Variants in CACNA2D1 observed in about 807,000 individuals in gnomAD.
The protein encoded by CACNA2D1 is voltage-dependent calcium channel subunit alpha-2/delta-1.
CACNA2D1 carries 53 observed loss-of-function variants against 171.5 expected under a neutral mutation model. That is an observed-to-expected ratio of 0.31 (90% CI 0.25 to 0.39). The LOEUF (loss-of-function observed/expected upper bound fraction) is 0.39, where lower values mean the gene tolerates loss of function less well. CACNA2D1 is among the 10% of genes least tolerant of loss of function. The probability of loss-of-function intolerance (pLI) is 1.00; values close to 1 mark genes in which losing one functional copy is unlikely to be tolerated. For synonymous variants in CACNA2D1, 442 were observed against 443.1 expected (o/e 1.00, Z 0.03); for missense variants, 903 against 1,299.8 (o/e 0.69, Z 4.69).
chr7:81,960,574 ATTTC>A (rs1036589020), intron 36 of CACNA2D1, among the ~76,000 whole-genome samples: 5 of 152,036 alleles, frequency 3.3e-5, no homozygotes, highest in African/African-American at 1.2e-4. Flanking sequence ...TAAAAAAGTA[ATTTC>A]TTTATCATTA....
chr7:82,188,261 T>C (rs1051089096), intron 3 of CACNA2D1, among the ~76,000 whole-genome samples: 21 of 151,930 alleles, frequency 1.4e-4, no homozygotes, highest in African/African-American at 4.3e-4. Flanking sequence ...CAAAGAGAAA[T>C]ATAAAATAGA....
intron 3 of CACNA2D1, among the ~76,000 whole-genome samples, chr7:82,204,552 G>A (rs1799817524): frequency 6.7e-6 from 1 of 149,018 alleles, no homozygotes; most frequent in African/African-American, 2.6e-5. Context: ...ACCTGGAGTT[G>A]TTGTTCCCTG....
chr7:81,951,969 G>GTTTTTTTTTTTTTGTTGTT (rs1792584335), intron 38 of CACNA2D1, among the ~76,000 whole-genome samples: 1 of 71,904 alleles, frequency 1.4e-5, no homozygotes, highest in African/African-American at 6.1e-5. Context: ...TGTACAAAGT[G>GTTTTTTTTTTTTTGTTGTT]TTTTTTTTTT....
At chr7:82,267,169 A>G (rs1053427360) in intron 3 of CACNA2D1, among the ~76,000 whole-genome samples, 1 of 152,254 alleles carries the variant, frequency 6.6e-6, no homozygotes, top group Non-Finnish European at 1.5e-5. Flanking sequence ...ATGACTCTTT[A>G]TAAAAATAGC....
At chr7:82,440,273 T>C (rs979084998) in intron 1 of CACNA2D1, among the ~76,000 whole-genome samples, 1 of 151,882 alleles carries the variant, frequency 6.6e-6, no homozygotes, top group Non-Finnish European at 1.5e-5. Context: ...TAACTATATA[T>C]TTTTTAATTG....
chr7:82,094,514 G>A (rs1270302599), intron 6 of CACNA2D1, among the ~76,000 whole-genome samples: 1 of 152,132 alleles, frequency 6.6e-6, no homozygotes, highest in Non-Finnish European at 1.5e-5. Flanking sequence ...AACATAGTGA[G>A]CATGACTTGT....
chr7:82,061,686 G>T (rs1806939135), intron 9 of CACNA2D1, among the ~76,000 whole-genome samples: 1 of 152,178 alleles, frequency 6.6e-6, no homozygotes, highest in South Asian at 2.1e-4. Context: ...ACAGGAGATG[G>T]TGTTATTACT....
At chr7:82,050,741 C>G (rs1377717507) in intron 10 of CACNA2D1, 1 of 666,644 alleles carries the variant, frequency 1.5e-6, no homozygotes, top group Non-Finnish European at 2.7e-6. Flanking sequence ...GAAGATGACA[C>G]TAAATAACAA....
chr7:81,977,179 C>T (rs1411133245), intron 24 of CACNA2D1, among the ~76,000 whole-genome samples: 4 of 152,134 alleles, frequency 2.6e-5, no homozygotes, highest in Admixed American at 2.0e-4. Context: ...ATGATATTGG[C>T]TGTGGGTTTG....
chr7:82,303,367 G>T (rs962621803), intron 3 of CACNA2D1, among the ~76,000 whole-genome samples: 1 of 150,312 alleles, frequency 6.7e-6, no homozygotes, highest in Non-Finnish European at 1.5e-5. Flanking sequence ...CTCAAAGCAA[G>T]TACAGATCCA....
Position 82,426,150 on chromosome 7 carries a change from A to C in CACNA2D1, c.95+17215T>G, listed in dbSNP as rs571332576. On this transcript the variant is annotated intron_variant, in intron 1 of 38. Transcript: ENST00000356860. Reference sequence around the variant, plus strand: ...TGCTTCAAAAATATATAAATAAATAAATAAATAAATAAATAAATAAATAAA... The same window carrying C: ...TGCTTCAAAAATATATAAATAAATACATAAATAAATAAATAAATAAATAAA... Among the ~76,000 whole-genome samples, 731 of 112,724 alleles carry C rather than the reference A, an allele frequency of 6.5e-3. 7 individuals are homozygous for C. Among genetic ancestry groups the C allele is most frequent in the African/African-American group, 0.028 (688 of 24,628 alleles). 74.0% of individuals were successfully genotyped at this position (112,724 alleles called of 152,430 possible). A position where few individuals can be genotyped will look rare whatever the true frequency, so the allele number is the denominator to read the frequency against.
intron 6 of CACNA2D1, among the ~76,000 whole-genome samples, chr7:82,087,382 T>A (rs1052641240): frequency 6.6e-6 from 1 of 152,144 alleles, no homozygotes; most frequent in African/African-American, 2.4e-5. Flanking sequence ...CACATCGTGT[T>A]CACTGAACAA....
At chr7:82,362,856 A>G (rs1303265224) in intron 1 of CACNA2D1, among the ~76,000 whole-genome samples, 1 of 152,206 alleles carries the variant, frequency 6.6e-6, no homozygotes, top group Non-Finnish European at 1.5e-5. Context: ...AGCCTCCTTT[A>G]TACATTACAC....
chr7:81,966,477 G>C (rs184519666), intron 31 of CACNA2D1, among the ~76,000 whole-genome samples: 2 of 151,528 alleles, frequency 1.3e-5, no homozygotes, highest in African/African-American at 2.4e-5. Context: ...ACAGGAGTAG[G>C]AGTGATAAAG....
intron 6 of CACNA2D1, among the ~76,000 whole-genome samples, chr7:82,092,544 T>G (rs258652): frequency 1.1e-4 from 5 of 45,718 alleles, no homozygotes; most frequent in African/African-American, 2.0e-4. Flanking sequence ...AGCTAACTTT[T>G]TTTTTTTTTT....
chr7:82,031,122 A>T (rs1355950893), intron 12 of CACNA2D1, among the ~76,000 whole-genome samples: 1 of 147,004 alleles, frequency 6.8e-6, no homozygotes, highest in Admixed American at 6.8e-5. Context: ...AATACTGTAG[A>T]TTTTTTTTTT....
intron 2 of CACNA2D1, among the ~76,000 whole-genome samples, chr7:82,338,098 A>C (rs1015317624): frequency 3.3e-5 from 5 of 152,182 alleles, no homozygotes; most frequent in Admixed American, 2.0e-4. Context: ...ATATGTTCTA[A>C]GTCACTTTGC....
chr7:82,247,281 G>A (rs776202163), intron 3 of CACNA2D1, among the ~76,000 whole-genome samples: 89 of 152,050 alleles, frequency 5.9e-4, no homozygotes, highest in Admixed American at 1.2e-3. Flanking sequence ...AGGCTGAGGC[G>A]GGCAGATCAC....
chr7:82,130,000 G>C lies in CACNA2D1; in HGVS notation c.396+6635C>G, dbSNP rs75275221. ...ACAAGTCTGGACTAAGGTTGGGATA[G>C]TAGGGAAAGGATCTCTCTAAAAATT... is the stretch of plus-strand genomic sequence containing the variant. On this transcript the variant is annotated intron_variant, in intron 5 of 38. Transcript: ENST00000356860. 4.8e-3 allele frequency among the ~76,000 whole-genome samples: 724 copies of C among 152,316 alleles called. 6 individuals carry two copies. The highest frequency in any genetic ancestry group is 0.017 in the African/African-American group (692 of 41,564).
Sources: gnomAD v4.1 joint callset for allele counts (sites outside exome capture counted in the v4.1 genomes callset) on GRCh38, gnomAD v4.1.1 for gene constraint, MANE v1.5 for transcripts, NCBI Gene and HGNC (gene_info 2026-07-23, HGNC 2026-07-21) for gene names.